PNMA8B: variants seen among roughly 807,000 people sequenced by gnomAD.
PNMA8B encodes the protein PNMA family member 8B.
For synonymous variants in PNMA8B, 386 were observed against 394.9 expected, an observed-to-expected ratio of 0.98 and a Z score of 0.27; for missense variants, 887 against 885.8, an observed-to-expected ratio of 1.00 and a Z score of -0.02.
rs1741770485 is a variant in PNMA8B, at chr19:46,493,333, T to C, written c.*225A>G. On this transcript the variant is annotated 3_prime_UTR_variant, in exon 1 of 1. Coordinates refer to ENST00000599531, the MANE Select transcript of PNMA8B (RefSeq NM_020709.3). The surrounding 1 kb of genome is among the most constrained non-coding windows in gnomAD (Gnocchi z 5.3). ...CTGCTGCCTCGGGCGCCCACTTCTC[T>C]TTCCTCCTCCCATCCGGGCTTCCTC... The C allele has an allele frequency of 2.5e-6, 1 of 397,104 alleles. No homozygotes were observed. The highest frequency in any genetic ancestry group is 3.6e-5 in the East Asian group (1 of 27,588). The allele number at this position is 397,104 out of a possible 1,614,324, so 24.6% of individuals were successfully genotyped here. A position where few individuals can be genotyped will look rare whatever the true frequency, so the allele number is the denominator to read the frequency against.
Position 46,493,217 on chromosome 19 carries a change from A to T in PNMA8B, c.*341T>A. ...CACGAAGAGCCCTGCTCGCCTCTGC[A>T]GGTGCCCGGCGTCCACACACACACC... On this transcript the variant is annotated 3_prime_UTR_variant, in exon 1 of 1. Coordinates refer to ENST00000599531, the MANE Select transcript of PNMA8B (RefSeq NM_020709.3). The surrounding 1 kb of genome is among the most constrained non-coding windows in gnomAD (Gnocchi z 5.3). The T allele has an allele frequency of 4.5e-6, 1 of 223,108 alleles. No individual in the cohort carries two copies. Among genetic ancestry groups the T allele is most frequent in the Non-Finnish European group, 8.8e-6 (1 of 114,160 alleles). 13.8% of individuals were successfully genotyped at this position (223,108 alleles called of 1,614,324 possible). A position where few individuals can be genotyped will look rare whatever the true frequency, so the allele number is the denominator to read the frequency against.
At position 46,493,636 on chromosome 19, in the gene PNMA8B, GC is replaced by G; in HGVS notation, c.1829del (p.Gly610AlafsTer212). The G allele has an allele frequency of 6.5e-7, 1 of 1,534,280 alleles. No homozygotes were observed. Among genetic ancestry groups the G allele is most frequent in the South Asian group, 1.2e-5 (1 of 83,108 alleles). On this transcript the variant is annotated frameshift_variant, in exon 1 of 1. Coordinates refer to ENST00000599531, the MANE Select transcript of PNMA8B (RefSeq NM_020709.3). LOFTEE classifies it low-confidence loss of function (END_TRUNC). The surrounding 1 kb of genome is among the most constrained non-coding windows in gnomAD (Gnocchi z 5.3). Reference protein sequence around the residue: ...GAHARAGEAKGQAPTGSKAAR... With the variant: ...GAHARAGEAKXQAPTGSKAAR... Reference sequence around the variant, plus strand: ...CGGCCTTGGATCCAGTGGGCGCCTGGCCCTTGGCCTCGCCTGCCCTGGCATG... The same window carrying G: ...CGGCCTTGGATCCAGTGGGCGCCTGGCCTTGGCCTCGCCTGCCCTGGCATG...
chr19:46,494,569 T>C lies in PNMA8B; in HGVS notation c.897A>G (p.Arg299=). 1 of 1,614,066 alleles carries C rather than the reference T, an allele frequency of 6.2e-7. No homozygotes were observed. The highest frequency in any genetic ancestry group is 8.5e-7 in the Non-Finnish European group (1 of 1,179,904). The change falls in exon 1 of 1, where the codon AGA becomes AGG. Residue 299 remains arginine (R), a synonymous_variant. Transcript: ENST00000599531. ...VPDLVALLAV[R]DTPDEEPVDS... ...CCACCGGCTCCTCGTCCGGGGTGTC[T>C]CTCACAGCCAGCAGGGCCACTAAGT...
rs773632715 is a variant in PNMA8B, at chr19:46,494,575, A to T, written c.891T>A (p.Ala297=). The change falls in exon 1 of 1, where the codon GCT becomes GCA. Residue 297 remains alanine, a synonymous_variant. Transcript: ENST00000599531. ...NGVPDLVALL[A]VRDTPDEEPV... ...GCTCCTCGTCCGGGGTGTCTCTCAC[A>T]GCCAGCAGGGCCACTAAGTCGGGGA... 1.9e-6 allele frequency: 3 copies of T among 1,614,020 alleles called. No homozygotes were observed. The highest frequency in any genetic ancestry group is 2.5e-6 in the Non-Finnish European group (3 of 1,179,892).
Position 46,495,387 on chromosome 19 carries a change from G to C in PNMA8B, c.79C>G (p.Pro27Ala). 1 of 1,375,022 alleles carries C rather than the reference G, an allele frequency of 7.3e-7. No homozygotes were observed. Among genetic ancestry groups the C allele is most frequent in the Non-Finnish European group, 1.0e-6 (1 of 962,890 alleles). 85.2% of individuals were successfully genotyped at this position (1,375,022 alleles called of 1,614,324 possible). ...ACGTCTGCCTGCTCCAGGCCCTCCG[G>C]GATGCCGGTGACCAGCAGGGCCCTG... The part of the protein sequence containing the change: ...AHRALLVTGI[P>A]EGLEQADVEA... Residue 27 changes from proline (P) to alanine (A), a missense_variant, in exon 1 of 1, where the codon CCG (proline) becomes GCG (alanine). Transcript: ENST00000599531.
In PNMA8B at chr19:46,493,414, TG is replaced by T; in HGVS notation, c.*143del. 4.1e-6 allele frequency: 2 copies of T among 485,520 alleles called. No homozygotes were observed. The highest frequency in any genetic ancestry group is 6.3e-6 in the Non-Finnish European group (2 of 315,532). The allele number at this position is 485,520 out of a possible 1,614,324, so 30.1% of individuals were successfully genotyped here. On this transcript the variant is annotated 3_prime_UTR_variant, in exon 1 of 1. Coordinates refer to ENST00000599531, the MANE Select transcript of PNMA8B (RefSeq NM_020709.3). The surrounding 1 kb of genome is among the most constrained non-coding windows in gnomAD (Gnocchi z 5.3). ...AGGGCCCGAGAGGGGAACGTGACGC[TG>T]GCAAAACGCGGCCCGGGCGCGCTGT...
rs576671060 is a variant in PNMA8B, at chr19:46,493,942, G to C, written c.1524C>G (p.Asp508Glu). ...GSNEGSEEAS[D>E]EQSEEESEDT... Reference sequence around the variant, plus strand: ...CCTCCGACTCCTCCTCGGACTGTTCGTCCGAAGCCTCCTCCGACCCCTCGT... The same window carrying C: ...CCTCCGACTCCTCCTCGGACTGTTCCTCCGAAGCCTCCTCCGACCCCTCGT... Residue 508 changes from aspartate to glutamate, a missense_variant, in exon 1 of 1, where the codon GAC becomes GAG. Transcript: ENST00000599531. This position sits in a 1 kb window ranked among gnomAD's most constrained non-coding sequence, Gnocchi z 5.3. 2.5e-6 allele frequency: 4 copies of C among 1,609,828 alleles called. No individual in the cohort carries two copies.
chr19:46,495,570 T>A lies in PNMA8B; in HGVS notation c.-105A>T. On this transcript the variant is annotated 5_prime_UTR_variant, in exon 1 of 1. It adds an upstream start codon to the 5' untranslated region. Coordinates refer to ENST00000599531, the MANE Select transcript of PNMA8B (RefSeq NM_020709.3). ...AACCCTAGAAAGCCACTTGCAGGGCTTAGAGTCCCGGTTCCGGTGAATGTG... is the reference window on the plus strand; with the variant it reads ...AACCCTAGAAAGCCACTTGCAGGGCATAGAGTCCCGGTTCCGGTGAATGTG... 4 of 1,423,756 alleles carry A rather than the reference T, an allele frequency of 2.8e-6. No homozygotes were observed. The allele number at this position is 1,423,756 out of a possible 1,614,324, so 88.2% of individuals were successfully genotyped here.
At position 46,492,875 on chromosome 19, in the gene PNMA8B, GC is replaced by G. The variant is rs142692190; in HGVS notation, c.*682del. 7.7e-3 allele frequency: 1,186 copies of G among 153,826 alleles called. 16 individuals are homozygous for G. The highest frequency in any genetic ancestry group is 0.027 in the African/African-American group (1,112 of 41,522). 9.5% of individuals were successfully genotyped at this position (153,826 alleles called of 1,614,324 possible). ...GGCTGGTTCCTTTGTTATCAGGGGC[GC>G]CCCAGTAGGCAGGGCTGGCATGTGT... On this transcript the variant is annotated 3_prime_UTR_variant, in exon 1 of 1. Coordinates refer to ENST00000599531, the MANE Select transcript of PNMA8B (RefSeq NM_020709.3).
rs1970017567 is a variant in PNMA8B, at chr19:46,492,441, C to T, written c.*1117G>A. ...AGCACCGGCCCGCCTACTCTGGAAC[C>T]TCCAGGGCAGGGCTGGGGTTTCCTC... is the stretch of plus-strand genomic sequence containing the variant. On this transcript the variant is annotated 3_prime_UTR_variant, in exon 1 of 1. Transcript: ENST00000599531. 1 of 180,698 alleles carries T rather than the reference C, an allele frequency of 5.5e-6. No individual in the cohort carries two copies. The highest frequency in any genetic ancestry group is 2.4e-5 in the African/African-American group (1 of 42,106). 11.2% of individuals were successfully genotyped at this position (180,698 alleles called of 1,614,324 possible).
At position 46,494,768 on chromosome 19, in the gene PNMA8B, T is replaced by C; in HGVS notation, c.698A>G (p.Glu233Gly). 1 of 1,613,848 alleles carries C rather than the reference T, an allele frequency of 6.2e-7. No individual in the cohort carries two copies. The highest frequency in any genetic ancestry group is 8.5e-7 in the Non-Finnish European group (1 of 1,179,862). ...LYATLQAAAR[E>G]LVRQWAPCNS... ...GCAGGGCGCCCACTGCCTAACCAGCTCCCTGGCAGCGGCCTGCAGCGTGGC... is the reference window on the plus strand; with the variant it reads ...GCAGGGCGCCCACTGCCTAACCAGCCCCCTGGCAGCGGCCTGCAGCGTGGC... Residue 233 changes from glutamate (E) to glycine (G), a missense_variant, in exon 1 of 1, where the codon GAG (glutamate) becomes GGG (glycine). Coordinates refer to ENST00000599531, the MANE Select transcript of PNMA8B (RefSeq NM_020709.3).
At position 46,494,187 on chromosome 19, in the gene PNMA8B, C is replaced by T. The variant is rs375434413; in HGVS notation, c.1279G>A (p.Ala427Thr). 6 of 1,609,540 alleles carry T rather than the reference C, an allele frequency of 3.7e-6. No individual in the cohort carries two copies. The African/African-American group carries it at 4.0e-5, about 11-fold the overall frequency. ...AAGAGGCCACGCCCAGCCTTCTTCG[C>T]CTGGGGAGGGAGATCCGGCTGCGCC... ...TLAQPDLPPQ[A>T]KKAGRGLFGG... is the part of the protein sequence containing the mutation. Residue 427 changes from alanine (A) to threonine (T), a missense_variant, in exon 1 of 1, where the codon GCG (alanine) becomes ACG (threonine). Ala to Thr is a moderately conservative substitution (Grantham distance 58). Transcript: ENST00000599531.
At position 46,494,235 on chromosome 19, in the gene PNMA8B, G is replaced by A; in HGVS notation, c.1231C>T (p.Leu411Phe). The A allele has an allele frequency of 3.7e-6, 6 of 1,609,448 alleles. No homozygotes were observed. The highest frequency in any genetic ancestry group is 5.1e-6 in the Non-Finnish European group (6 of 1,179,680). The change falls in exon 1 of 1, where the codon CTC becomes TTC. Residue 411 changes from leucine (L) to phenylalanine (F), a missense_variant. By Grantham distance (22) the Leu-to-Phe change is conservative (BLOSUM62 0). Transcript: ENST00000599531. The part of the protein sequence containing the change: ...VLRKAGDDGD[L>F]RECISTLAQP... Reference sequence around the variant, plus strand: ...GCCAAGGTGGAAATGCACTCCCGGAGGTCCCCGTCATCCCCGGCCTTGCGC... The same window carrying A: ...GCCAAGGTGGAAATGCACTCCCGGAAGTCCCCGTCATCCCCGGCCTTGCGC...
chr19:46,492,220 G>C lies in PNMA8B; in HGVS notation c.*1338C>G. 1 of 385,210 alleles carries C rather than the reference G, an allele frequency of 2.6e-6. No homozygotes were observed. The highest frequency in any genetic ancestry group is 1.9e-5 in the South Asian group (1 of 53,762). 23.9% of individuals were successfully genotyped at this position (385,210 alleles called of 1,614,324 possible). On this transcript the variant is annotated 3_prime_UTR_variant, in exon 1 of 1. Transcript: ENST00000599531. The stretch of plus-strand genomic sequence containing the variant: ...GATGGGCTCCTCACTGCCAGGGAAT[G>C]GAAATTGGGACGAGGAAGCACACAC...
Position 46,494,611 on chromosome 19 carries a change from GTCT to G in PNMA8B, c.852_854del (p.Glu284del). 1.9e-6 allele frequency: 3 copies of G among 1,614,006 alleles called. No individual in the cohort carries two copies. Among genetic ancestry groups the G allele is most frequent in the South Asian group, 1.1e-5 (1 of 91,082 alleles). On this transcript the variant is annotated inframe_deletion, in exon 1 of 1. Coordinates refer to ENST00000599531, the MANE Select transcript of PNMA8B (RefSeq NM_020709.3). Reference sequence around the variant, plus strand: ...CCACTAAGTCGGGGACACCATTTTTGTCTTCTTTGGTGTTCAAGCGGATGGATT... The same window carrying G: ...CCACTAAGTCGGGGACACCATTTTTGTCTTTGGTGTTCAAGCGGATGGATT...
At position 46,493,821 on chromosome 19, in the gene PNMA8B, C is replaced by G. The variant is rs775872838; in HGVS notation, c.1645G>C (p.Gly549Arg). ...RTAPRGLTPA[G>R]APPTASGARK... ...GCCCCGGAAGCGGTGGGAGGCGCGC[C>G]GGCCGGAGTCAGGCCCCTGGGGGCC... Residue 549 changes from glycine to arginine, a missense_variant, in exon 1 of 1, where the codon GGC (glycine) becomes CGC (arginine). By Grantham distance (125) the Gly-to-Arg change is moderately radical. Coordinates refer to ENST00000599531, the MANE Select transcript of PNMA8B (RefSeq NM_020709.3). This position sits in a 1 kb window ranked among gnomAD's most constrained non-coding sequence, Gnocchi z 5.3. The G allele has an allele frequency of 2.2e-6, 3 of 1,366,234 alleles. No individual in the cohort carries two copies. Among genetic ancestry groups the G allele is most frequent in the African/African-American group, 1.5e-5 (1 of 65,298 alleles). 84.6% of individuals were successfully genotyped at this position (1,366,234 alleles called of 1,614,324 possible).
chr19:46,492,621 C>A lies in PNMA8B; in HGVS notation c.*937G>T, dbSNP rs1213347402. 1 of 152,740 alleles carries A rather than the reference C, an allele frequency of 6.5e-6. No homozygotes were observed. The highest frequency in any genetic ancestry group is 1.5e-5 in the Non-Finnish European group (1 of 68,412). 9.5% of individuals were successfully genotyped at this position (152,740 alleles called of 1,614,324 possible). ...GGACTTTCAAGTCTTTTAGTAAGGG[C>A]TGCAAGGCCAGCGCTGAGCGGTGGG... is the stretch of plus-strand genomic sequence containing the variant. On this transcript the variant is annotated 3_prime_UTR_variant, in exon 1 of 1. Transcript: ENST00000599531.
chr19:46,494,758 C>T lies in PNMA8B; in HGVS notation c.708G>A (p.Arg236=). 1 of 1,613,912 alleles carries T rather than the reference C, an allele frequency of 6.2e-7. No homozygotes were observed. Among genetic ancestry groups the T allele is most frequent in the Non-Finnish European group, 8.5e-7 (1 of 1,179,864 alleles). ...CCTCGGAGTTGCAGGGCGCCCACTG[C>T]CTAACCAGCTCCCTGGCAGCGGCCT... The part of the protein sequence containing the change: ...TLQAAARELV[R]QWAPCNSEGE... The change falls in exon 1 of 1, where the codon AGG becomes AGA. Residue 236 remains arginine, a synonymous_variant. Transcript: ENST00000599531.
In PNMA8B at chr19:46,495,205, C is replaced by T. The variant is rs2147487267; in HGVS notation, c.261G>A (p.Gly87=). 1 of 1,613,634 alleles carries T rather than the reference C, an allele frequency of 6.2e-7. No individual in the cohort carries two copies. The highest frequency in any genetic ancestry group is 2.2e-5 in the East Asian group (1 of 44,876). The change falls in exon 1 of 1, where the codon GGG becomes GGA. Residue 87 remains glycine, a synonymous_variant. Coordinates refer to ENST00000599531, the MANE Select transcript of PNMA8B (RefSeq NM_020709.3). ...GGTCCTTCCACAGAACCCTCCAGAC[C>T]CCATCCTTGCCTGGGATCTCCCTGG... ...AIPREIPGKD[G]VWRVLWKDRA...
Sources: allele counts gnomAD v4.1 joint callset, GRCh38; gene constraint gnomAD v4.1.1; non-coding constraint Gnocchi (gnomAD v3.1); transcripts MANE v1.5; gene names NCBI Gene and HGNC (gene_info 2026-07-23, HGNC 2026-07-21).